The following TRPM6 variants were observed in gnomAD, a reference collection of about 807,000 sequenced individuals.
The protein encoded by TRPM6 is transient receptor potential cation channel subfamily M member 6.
Under a neutral mutation model 247.6 loss-of-function variants are expected in TRPM6, and 111 were observed. The observed-to-expected ratio is 0.45, with a 90% confidence interval of 0.38 to 0.52. The LOEUF (loss-of-function observed/expected upper bound fraction) is 0.52, where lower values mean the gene tolerates loss of function less well. TRPM6 is among the 20% of genes least tolerant of loss of function. TRPM6 has a pLI of 0.00. For synonymous variants in TRPM6, 892 were observed against 853.8 expected, an observed-to-expected ratio of 1.04 and a Z score of -0.78; for missense variants, 2,126 against 2,421.5, an observed-to-expected ratio of 0.88 and a Z score of 2.56.
At chr9:74,778,064 G>A (rs916018090) in intron 23 of TRPM6, among the ~76,000 whole-genome samples, 1 of 152,220 alleles carries the variant, frequency 6.6e-6, no homozygotes, top group Admixed American at 6.5e-5. Flanking sequence ...CCTGGGCTGG[G>A]GCTAGAAAGG....
chr9:74,841,487 C>T (rs979516047), intron 4 of TRPM6, among the ~76,000 whole-genome samples: 26 of 151,660 alleles, frequency 1.7e-4, no homozygotes, highest in Admixed American at 1.5e-3. Context: ...AAACAATTTC[C>T]AATTCATCTT....
rs79120850 is a variant in TRPM6, at chr9:74,802,549, G to A, written c.1732-374C>T. On this transcript the variant is annotated intron_variant, in intron 15 of 38. Transcript: ENST00000360774. ...CAAAGTAATAACCACAGAGCAGTAC[G>A]ATGAGTGCTGAAATAGAGACTACAT... Among the ~76,000 whole-genome samples, 547 of 152,258 alleles carry A rather than the reference G, an allele frequency of 3.6e-3. 3 individuals carry two copies. The highest frequency in any genetic ancestry group is 0.013 in the African/African-American group (526 of 41,556).
chr9:74,739,771 T>G lies in TRPM6; in HGVS notation c.5439A>C (p.Thr1813=), dbSNP rs754925636. 1 of 1,613,988 alleles carries G rather than the reference T, an allele frequency of 6.2e-7. No individual in the cohort carries two copies. Among genetic ancestry groups the G allele is most frequent in the African/African-American group, 1.3e-5 (1 of 74,922 alleles). Residue 1813 remains threonine, a synonymous_variant, in exon 34 of 39, where the codon ACA becomes ACC. Coordinates refer to ENST00000360774, the MANE Select transcript of TRPM6 (RefSeq NM_017662.5). ...TGCTCTCCTGGAAGATTTTATGCCA[T>G]GTCCGCACAACCTCAGGAAGAAAGG... ...VKSFLPEVVR[T]WHKIFQESTV... is the part of the protein sequence containing the mutation.
intron 29 of TRPM6, 66 bp downstream of exon 29, chr9:74,752,211 G>T: frequency 1.1e-6 from 1 of 871,744 alleles, no homozygotes; most frequent in Non-Finnish European, 1.9e-6. Flanking sequence ...AAGGTAAAAT[G>T]GGCGTAGTCA....
intron 5 of TRPM6, among the ~76,000 whole-genome samples, chr9:74,839,254 G>C (rs912127944): frequency 6.6e-6 from 1 of 152,100 alleles, no homozygotes. Flanking sequence ...ATCTGGGGAA[G>C]AGCCTGTACA....
chr9:74,785,834 T>A, intron 21 of TRPM6, 40 bp downstream of exon 21: 3 of 1,613,094 alleles, frequency 1.9e-6, no homozygotes, highest in Non-Finnish European at 1.7e-6. Context: ...AAAATAATTT[T>A]AAAAAAGAAT....
intron 1 of TRPM6, 111 bp downstream of exon 1, chr9:74,887,713 C>G (rs1359665310): frequency 1.2e-6 from 2 of 1,612,316 alleles, no homozygotes; most frequent in East Asian, 2.2e-5. Context: ...TCTAGATCCT[C>G]GTTAGATGTA....
At chr9:74,886,739 T>C (rs1429655126) in intron 1 of TRPM6, among the ~76,000 whole-genome samples, 1 of 152,204 alleles carries the variant, frequency 6.6e-6, no homozygotes, top group East Asian at 1.9e-4. Context: ...TAAGTGCAAA[T>C]GGCATGTAGC....
rs542004702 is a variant in TRPM6, at chr9:74,732,423, T to C, written c.5828+262A>G. Among the ~76,000 whole-genome samples the C allele has an allele frequency of 1.1e-4, 16 of 152,368 alleles. No individual in the cohort carries two copies. The South Asian group carries it at 3.3e-3, about 32-fold the overall frequency. On this transcript the variant is annotated intron_variant, in intron 37 of 38. Coordinates refer to ENST00000360774, the MANE Select transcript of TRPM6 (RefSeq NM_017662.5). ...CTTACACATTGGGAACTCAGTCAAA[T>C]TTGCATTAGTCCTTATAATTTCCAT...
rs139665084 is a variant in TRPM6 at position 74,813,037 on chromosome 9, T to A, written c.1309-604A>T. 5.8e-3 allele frequency among the ~76,000 whole-genome samples: 891 copies of A among 152,334 alleles called. 4 individuals are homozygous for A. Among genetic ancestry groups the A allele is most frequent in the Admixed American group, 8.9e-3 (136 of 15,298 alleles). ...TCTCGAAGCTTCCCAAATGAATGAA[T>A]GTACAGGCTTAATGCAATTCTGATA... On this transcript the variant is annotated intron_variant, in intron 11 of 38. Transcript: ENST00000360774.
At chr9:74,861,077 C>T (rs890798174) in intron 1 of TRPM6, among the ~76,000 whole-genome samples, 5 of 152,148 alleles carry the variant, frequency 3.3e-5, no homozygotes, top group African/African-American at 1.2e-4. Flanking sequence ...AATCAGTCAG[C>T]CCTGTCCCCT....
intron 38 of TRPM6, among the ~76,000 whole-genome samples, chr9:74,727,298 C>T (rs1039835865): frequency 2.0e-5 from 3 of 148,716 alleles, no homozygotes; most frequent in African/African-American, 7.5e-5. Context: ...AGGAGAATCG[C>T]TTGAACCCGG....
intron 1 of TRPM6, chr9:74,887,493 TC>T: frequency 9.2e-7 from 1 of 1,087,960 alleles, no homozygotes; most frequent in South Asian, 1.5e-5. Flanking sequence ...CTGCCTCCTC[TC>T]CCGGGGTGTT....
intron 9 of TRPM6, among the ~76,000 whole-genome samples, chr9:74,818,299 T>TC (rs1829015278): frequency 7.1e-6 from 1 of 141,548 alleles, no homozygotes; most frequent in Non-Finnish European, 1.5e-5. Context: ...ATTTCTTTTT[T>TC]TTTTTTTTTT....
At chr9:74,738,357 T>C (rs1418490894) in intron 36 of TRPM6, 50 bp downstream of exon 36, 3 of 1,601,694 alleles carry the variant, frequency 1.9e-6, no homozygotes, top group Non-Finnish European at 1.7e-6. Flanking sequence ...GCAAGATCTC[T>C]TTACACTTTG....
At chr9:74,795,081 TC>T (rs1446109553) in intron 18 of TRPM6, among the ~76,000 whole-genome samples, 2 of 152,150 alleles carry the variant, frequency 1.3e-5, no homozygotes, top group African/African-American at 4.8e-5. Context: ...AGCTCATCTT[TC>T]CCCTTCCAAA....
chr9:74,855,584 A>G lies in TRPM6; in HGVS notation c.114-19T>C, dbSNP rs1026951321. ...AGTACATCTAAATTAAAGAAATAAA[A>G]CCTCTGTTAGTTTGTTGGTGTATCT... is the stretch of plus-strand genomic sequence containing the variant. On this transcript the variant is annotated intron_variant, in intron 2 of 38. Coordinates refer to ENST00000360774, the MANE Select transcript of TRPM6 (RefSeq NM_017662.5). 1.3e-6 allele frequency: 2 copies of G among 1,559,984 alleles called. No individual in the cohort carries two copies. Among genetic ancestry groups the G allele is most frequent in the African/African-American group, 2.7e-5 (2 of 73,800 alleles).
chr9:74,768,343 T>C (rs1395218787), intron 25 of TRPM6, among the ~76,000 whole-genome samples: 12 of 152,210 alleles, frequency 7.9e-5, no homozygotes, highest in Non-Finnish European at 1.6e-4. Flanking sequence ...GTCATACTTT[T>C]AGTTTCCTAC....
chr9:74,732,962 G>A (rs982686455), intron 36 of TRPM6, among the ~76,000 whole-genome samples: 2 of 152,124 alleles, frequency 1.3e-5, no homozygotes, highest in African/African-American at 2.4e-5. Context: ...GGGGGGTGGA[G>A]GTGGGCAGAT....
Sources: gnomAD v4.1 joint callset for allele counts (sites outside exome capture counted in the v4.1 genomes callset) on GRCh38, gnomAD v4.1.1 for gene constraint, MANE v1.5 for transcripts, NCBI Gene and HGNC (gene_info 2026-07-23, HGNC 2026-07-21) for gene names.